The following CELSR1 variants were observed in gnomAD, a reference collection of about 807,000 sequenced individuals.
CELSR1 encodes adhesion G protein-coupled receptor C1.
A neutral mutation model predicts 249.1 loss-of-function variants in CELSR1; 110 were observed. The ratio of observed to expected loss-of-function variants is 0.44; its 90% CI spans 0.38 to 0.52. The LOEUF is 0.52. Among genes scored for constraint, CELSR1 ranks in the 20% least tolerant of loss-of-function variants. The probability of loss-of-function intolerance (pLI) is 0.00; values close to 1 mark genes in which losing one functional copy is unlikely to be tolerated. For missense variants in CELSR1, 4,109 were observed against 4,296.4 expected, an observed-to-expected ratio of 0.96 and a Z score of 1.22; for synonymous variants, 2,113 against 1,900.0, an observed-to-expected ratio of 1.11 and a Z score of -2.92.
At chr22:46,497,577 T>G (rs2878872) in intron 1 of CELSR1, among the ~76,000 whole-genome samples, 3 of 152,032 alleles carry the variant, frequency 2.0e-5, no homozygotes, top group Non-Finnish European at 4.4e-5. Context: ...CCTGCTCTCT[T>G]CTTTTAGAAG....
In CELSR1 at chr22:46,364,591, G is replaced by A; in HGVS notation, c.8700C>T (p.His2900=). The A allele has an allele frequency of 6.2e-7, 1 of 1,612,652 alleles. No individual in the cohort carries two copies. The highest frequency in any genetic ancestry group is 2.2e-5 in the East Asian group (1 of 44,876). ...VELHREEQGS[H]RGEYPPDQES... is the part of the protein sequence containing the mutation. ...CCTGGTCCGGGGGGTACTCTCCACG[G>A]TGACTGCCCTGCTCCTCGCGGTGCA... Residue 2900 remains histidine, a synonymous_variant, in exon 33 of 35, where the codon CAC becomes CAT. Transcript: ENST00000674500.
In CELSR1 at chr22:46,374,204, C is replaced by A. The variant is rs1319172768; in HGVS notation, c.7585-1147G>T. ...AACTCTACACCAAACACCCTGGTTTCCTGAGTGGAAATCACACTGGCTCAG... is the reference window on the plus strand; with the variant it reads ...AACTCTACACCAAACACCCTGGTTTACTGAGTGGAAATCACACTGGCTCAG... On this transcript the variant is annotated intron_variant, in intron 24 of 34. Coordinates refer to ENST00000674500, the MANE Select transcript of CELSR1 (RefSeq NM_001378328.1). The surrounding 1 kb of genome is among the most constrained non-coding windows in gnomAD (Gnocchi z 4.3). Among the ~76,000 whole-genome samples, 1 of 152,172 alleles carries A rather than the reference C, an allele frequency of 6.6e-6. No homozygotes were observed.
chr22:46,468,113 T>C lies in CELSR1; in HGVS notation c.3545-3768A>G, dbSNP rs1353784063. Among the ~76,000 whole-genome samples, 1 of 150,762 alleles carries C rather than the reference T, an allele frequency of 6.6e-6. No individual in the cohort carries two copies. On this transcript the variant is annotated intron_variant, in intron 1 of 34. Transcript: ENST00000674500. The surrounding 1 kb of genome is among the most constrained non-coding windows in gnomAD (Gnocchi z 4.5). ...ATTAAAACAATGTGGTCTGGCCAGG[T>C]GTGGTGGCTTACACCTGTAATCACA...
At chr22:46,469,275 C>A (rs951257350) in intron 1 of CELSR1, among the ~76,000 whole-genome samples, 1 of 152,140 alleles carries the variant, frequency 6.6e-6, no homozygotes, top group Non-Finnish European at 1.5e-5. Flanking sequence ...ATAAAATACA[C>A]ACCCCTCTGT....
intron 1 of CELSR1, among the ~76,000 whole-genome samples, chr22:46,513,977 T>C (rs1424557377): frequency 6.6e-6 from 1 of 151,946 alleles, no homozygotes; most frequent in African/African-American, 2.4e-5. Context: ...GTATTCTTAG[T>C]AGAGACGGGG....
chr22:46,373,061 C>G lies in CELSR1; in HGVS notation c.7585-4G>C, dbSNP rs1343477616. ...TGGCAACCACTGTGCACAGAAACTG[C>G]GCAGGGAGGGGCCGCTCAGCAAGGG... On this transcript the variant is annotated splice_region_variant and splice_polypyrimidine_tract_variant and intron_variant, in intron 24 of 34. Transcript: ENST00000674500. 1 of 1,593,206 alleles carries G rather than the reference C, an allele frequency of 6.3e-7. No individual in the cohort carries two copies. The highest frequency in any genetic ancestry group is 8.6e-7 in the Non-Finnish European group (1 of 1,167,970).
chr22:46,385,488 C>T (rs1278801018), intron 19 of CELSR1, among the ~76,000 whole-genome samples: 1 of 152,076 alleles, frequency 6.6e-6, no homozygotes, highest in Non-Finnish European at 1.5e-5. Context: ...GAGGCGGGGT[C>T]CTCGACACCC....
chr22:46,505,896 T>C (rs2080509840), intron 1 of CELSR1, among the ~76,000 whole-genome samples: 1 of 152,058 alleles, frequency 6.6e-6, no homozygotes, highest in African/African-American at 2.4e-5. Flanking sequence ...AAGAAACTAC[T>C]GGCTGGGCGT....
At chr22:46,521,592 G>A (rs943620681) in intron 1 of CELSR1, among the ~76,000 whole-genome samples, 10 of 151,952 alleles carry the variant, frequency 6.6e-5, no homozygotes, top group East Asian at 5.8e-4. Context: ...TGAGGCAGGC[G>A]GATCATCTGA....
At position 46,396,937 on chromosome 22, in the gene CELSR1, A is replaced by G. The variant is rs1353711158; in HGVS notation, c.5702-191T>C. On this transcript the variant is annotated intron_variant, in intron 12 of 34. Transcript: ENST00000674500. The surrounding 1 kb of genome is among the most constrained non-coding windows in gnomAD (Gnocchi z 6.4). ...GTTAGACTTAGTGATGCAGAGAGGA[A>G]GGCCTTCCCGGGCTGCCCCAAGGAG... is the stretch of plus-strand genomic sequence containing the variant. Among the ~76,000 whole-genome samples the G allele has an allele frequency of 1.3e-5, 2 of 152,152 alleles. No individual in the cohort carries two copies. Among genetic ancestry groups the G allele is most frequent in the East Asian group, 3.8e-4 (2 of 5,196 alleles).
chr22:46,413,595 G>A lies in CELSR1; in HGVS notation c.4612-1836C>T, dbSNP rs182843403. The stretch of plus-strand genomic sequence containing the variant: ...CACGCCCTTGTCTGTAAATCCAAGG[G>A]AGGCTTCTACCATGACCCCTGGTAT... On this transcript the variant is annotated intron_variant, in intron 5 of 34. Coordinates refer to ENST00000674500, the MANE Select transcript of CELSR1 (RefSeq NM_001378328.1). The surrounding 1 kb of genome is among the most constrained non-coding windows in gnomAD (Gnocchi z 4.7). 6.6e-6 allele frequency among the ~76,000 whole-genome samples: 1 copy of A among 152,338 alleles called. No homozygotes were observed. The highest frequency in any genetic ancestry group is 1.5e-5 in the Non-Finnish European group (1 of 68,034).
intron 5 of CELSR1, among the ~76,000 whole-genome samples, chr22:46,416,123 T>C (rs553517372): frequency 7.1e-6 from 1 of 140,178 alleles, no homozygotes; most frequent in South Asian, 2.2e-4. Flanking sequence ...GGATAAGGAA[T>C]GAGACAGACG....
Position 46,377,148 on chromosome 22 carries a change from G to T in CELSR1, c.7497C>A (p.Asn2499Lys), listed in dbSNP as rs759241999. ...LLSLVRMLRSNLHSIHKHLAV... is the reference protein window; with the variant it reads ...LLSLVRMLRSKLHSIHKHLAV... Reference sequence around the variant, plus strand: ...CGAGGTGCTTGTGAATGCTGTGCAGGTTGGAGCGCAGCATGCGGACCAGGC... The same window carrying T: ...CGAGGTGCTTGTGAATGCTGTGCAGTTTGGAGCGCAGCATGCGGACCAGGC... The change falls in exon 24 of 35, where the codon AAC (asparagine) becomes AAA (lysine). Residue 2499 changes from asparagine to lysine, a missense_variant. Coordinates refer to ENST00000674500, the MANE Select transcript of CELSR1 (RefSeq NM_001378328.1). 7 of 1,613,776 alleles carry T rather than the reference G, an allele frequency of 4.3e-6. No individual in the cohort carries two copies. The South Asian group carries it at 4.4e-5, about 10-fold the overall frequency.
rs769892239 is a variant in CELSR1 at position 46,410,519 on chromosome 22, G to A, written c.4812C>T (p.Pro1604=). The change falls in exon 7 of 35, where the codon CCC becomes CCT. Residue 1604 remains proline, a synonymous_variant. Coordinates refer to ENST00000674500, the MANE Select transcript of CELSR1 (RefSeq NM_001378328.1). The surrounding 1 kb of genome is among the most constrained non-coding windows in gnomAD (Gnocchi z 6.8). ...GCACTGGGAAGTCTTCTGGCAGGTT[G>A]GGGACACCCCCCAGGAGTAGAGGGC... ...LTGPLLLGGV[P]NLPEDFPVHN... 3.7e-6 allele frequency: 6 copies of A among 1,613,972 alleles called. No homozygotes were observed. The African/African-American group carries it at 8.0e-5, about 22-fold the overall frequency.
At position 46,533,897 on chromosome 22, in the gene CELSR1, C is replaced by T. The variant is rs766873155; in HGVS notation, c.3274G>A (p.Val1092Met). ...VSRATVHILL[V>M]DQNDNPPVLP... ...ACAGGCGGGTTGTCATTCTGGTCCACGAGAAGGATGTGCACCGTGGCTCGG... is the reference window on the plus strand; with the variant it reads ...ACAGGCGGGTTGTCATTCTGGTCCATGAGAAGGATGTGCACCGTGGCTCGG... Residue 1092 changes from valine (V) to methionine (M), a missense_variant, in exon 1 of 35, where the codon GTG (valine) becomes ATG (methionine). Coordinates refer to ENST00000674500, the MANE Select transcript of CELSR1 (RefSeq NM_001378328.1). The T allele has an allele frequency of 4.3e-6, 7 of 1,613,262 alleles. No individual in the cohort carries two copies. Among genetic ancestry groups the T allele is most frequent in the Admixed American group, 3.3e-5 (2 of 60,012 alleles).
chr22:46,470,001 A>AGGGGAGGGAGGGAGGAG (rs1268852616), intron 1 of CELSR1, among the ~76,000 whole-genome samples: 2 of 11,994 alleles, frequency 1.7e-4, no homozygotes, highest in East Asian at 2.3e-3. Flanking sequence ...GGAGGGAGGG[A>AGGGGAGGGAGGGAGGAG]GAGGCAAAGG....
intron 2 of CELSR1, among the ~76,000 whole-genome samples, chr22:46,455,761 T>C (rs1024255181): frequency 6.6e-6 from 1 of 152,236 alleles, no homozygotes; most frequent in East Asian, 1.9e-4. Context: ...CACAGGACGC[T>C]AATTCTGTTT....
intron 2 of CELSR1, among the ~76,000 whole-genome samples, chr22:46,453,614 T>C (rs1203107022): frequency 2.0e-5 from 3 of 152,180 alleles, no homozygotes; most frequent in Non-Finnish European, 4.4e-5. Flanking sequence ...CGGCTTTGTC[T>C]GTCCACACCA....
rs2079683287 is a variant in CELSR1, at chr22:46,437,879, A to G, written c.4406+1310T>C. Among the ~76,000 whole-genome samples, 1 of 152,200 alleles carries G rather than the reference A, an allele frequency of 6.6e-6. No homozygotes were observed. The highest frequency in any genetic ancestry group is 2.4e-5 in the African/African-American group (1 of 41,476). ...CAGCACACTGATGCTTGGGCAGGGA[A>G]TGAGCAGGGAGAAGGGATCTTAATG... On this transcript the variant is annotated intron_variant, in intron 3 of 34. Transcript: ENST00000674500. This position sits in a 1 kb window ranked among gnomAD's most constrained non-coding sequence, Gnocchi z 4.9.
Sources: gnomAD v4.1 joint callset for allele counts (sites outside exome capture counted in the v4.1 genomes callset) on GRCh38, gnomAD v4.1.1 for gene constraint, Gnocchi (gnomAD v3.1) non-coding constraint, MANE v1.5 for transcripts, NCBI Gene and HGNC (gene_info 2026-07-23, HGNC 2026-07-21) for gene names.